Variants in GNG4 observed in about 807,000 individuals in gnomAD.
The protein encoded by GNG4 is G protein subunit gamma 4, also known as guanine nucleotide-binding protein G(I)/G(S)/G(O) subunit gamma-4.
In GNG4, 4 loss-of-function variants were observed where a neutral mutation model predicts 5.8. The ratio of observed to expected loss-of-function variants is 0.69; its 90% confidence interval spans 0.34 to 1.57. The LOEUF (loss-of-function observed/expected upper bound fraction) is 1.57. GNG4 is among the 40% of genes most tolerant of loss of function. GNG4 has a pLI of 0.06. For missense variants in GNG4, 96 were observed against 95.1 expected, an observed-to-expected ratio of 1.01 and a Z score of -0.04; for synonymous variants, 29 against 32.9, an observed-to-expected ratio of 0.88 and a Z score of 0.41.
At chr1:235,604,348 G>A (rs936898290) in intron 1 of GNG4, among the ~76,000 whole-genome samples, 1 of 152,232 alleles carries the variant, frequency 6.6e-6, no homozygotes, top group Non-Finnish European at 1.5e-5. Context: ...GCGTGGCTGG[G>A]CCACGTCTCA....
At chr1:235,576,873 G>A (rs1687496177) in intron 3 of GNG4, among the ~76,000 whole-genome samples, 1 of 152,124 alleles carries the variant, frequency 6.6e-6, no homozygotes, top group Non-Finnish European at 1.5e-5. Flanking sequence ...GTCTATATTT[G>A]CACTTGTGCT....
intron 3 of GNG4, among the ~76,000 whole-genome samples, chr1:235,571,841 C>T (rs1687351431): frequency 1.3e-5 from 2 of 152,038 alleles, no homozygotes; most frequent in South Asian, 4.1e-4. Context: ...AATTAATTAA[C>T]TAATTAATTA....
At chr1:235,599,808 C>G (rs1398799253) in intron 1 of GNG4, among the ~76,000 whole-genome samples, 1 of 152,120 alleles carries the variant, frequency 6.6e-6, no homozygotes, top group African/African-American at 2.4e-5. Flanking sequence ...ATTCACAGCC[C>G]CATCAGCTTT....
At chr1:235,634,953 C>CA (rs11411720) in intron 1 of GNG4, among the ~76,000 whole-genome samples, 23,781 of 146,290 alleles carry the variant, frequency 0.16, 5,066 homozygotes, top group African/African-American at 0.49. Context: ...AAAAACAAAA[C>CA]AAAAAAAAGA....
At chr1:235,580,755 T>TTG (rs1687613486) in intron 3 of GNG4, among the ~76,000 whole-genome samples, 1 of 147,820 alleles carries the variant, frequency 6.8e-6, no homozygotes, top group East Asian at 2.0e-4. Flanking sequence ...TGTTTTTTTT[T>TTG]TTTTTTTTTT....
chr1:235,607,263 A>G (rs1254870953), intron 1 of GNG4, among the ~76,000 whole-genome samples: 1 of 152,074 alleles, frequency 6.6e-6, no homozygotes, highest in African/African-American at 2.4e-5. Flanking sequence ...GTTTCTTTCT[A>G]TGTTCTTCAA....
rs937797659 is a variant in GNG4 at position 235,620,607 on chromosome 1, C to T, written c.-122-25096G>A. Among the ~76,000 whole-genome samples the T allele has an allele frequency of 5.5e-4, 83 of 152,188 alleles. 1 individual carries two copies. The highest frequency in any genetic ancestry group is 3.8e-4 in the Non-Finnish European group (26 of 68,010). ...CTGGAGTGCAGTGGCGTGATCTCGG[C>T]TCACTGCAAGCTCCGCCTCCCGCGT... On this transcript the variant is annotated intron_variant, in intron 1 of 3. Coordinates refer to ENST00000391854, the MANE Select transcript of GNG4 (RefSeq NM_001098722.2).
intron 1 of GNG4, among the ~76,000 whole-genome samples, chr1:235,607,469 T>G (rs757171937): frequency 6.6e-6 from 1 of 152,138 alleles, no homozygotes; most frequent in African/African-American, 2.4e-5. Context: ...CGCCACTGGG[T>G]GCACCGTGGG....
At chr1:235,603,261 T>TTAATAA (rs150938328) in intron 1 of GNG4, among the ~76,000 whole-genome samples, 2,580 of 147,610 alleles carry the variant, frequency 0.017, 78 homozygotes, top group African/African-American at 0.06. Flanking sequence ...ATAATAATAA[T>TTAATAA]TAATAATAAT....
chr1:235,573,399 A>C, intron 3 of GNG4, among the ~76,000 whole-genome samples: 1 of 151,890 alleles, frequency 6.6e-6, no homozygotes, highest in Non-Finnish European at 1.5e-5. Flanking sequence ...GGTGCAGCAC[A>C]CCAAATATGG....
chr1:235,593,805 G>A (rs1487071657), intron 2 of GNG4, among the ~76,000 whole-genome samples: 1 of 152,146 alleles, frequency 6.6e-6, no homozygotes, highest in Non-Finnish European at 1.5e-5. Flanking sequence ...CTTCAGGAGT[G>A]AAGCCGCAGA....
At chr1:235,612,460 G>A (rs950647341) in intron 1 of GNG4, among the ~76,000 whole-genome samples, 1 of 152,156 alleles carries the variant, frequency 6.6e-6, no homozygotes, top group African/African-American at 2.4e-5. Flanking sequence ...GCAGTATCTC[G>A]GGGACGTGAC....
At chr1:235,619,036 AC>A (rs993747594) in intron 1 of GNG4, among the ~76,000 whole-genome samples, 18 of 147,416 alleles carry the variant, frequency 1.2e-4, no homozygotes, top group Admixed American at 6.9e-5. Context: ...TGGTGAGTTC[AC>A]GCCTGTAATC....
chr1:235,554,942 A>ACC (rs1260450075), intron 3 of GNG4, among the ~76,000 whole-genome samples: 4 of 151,266 alleles, frequency 2.6e-5, no homozygotes, highest in Admixed American at 1.3e-4. Context: ...TTTTTTTTGG[A>ACC]CATGCTCCAG....
chr1:235,637,584 G>A (rs1657159352), intron 1 of GNG4, among the ~76,000 whole-genome samples: 1 of 151,198 alleles, frequency 6.6e-6, no homozygotes, highest in Non-Finnish European at 1.5e-5. Context: ...AACCTGGGAA[G>A]TGGAGGTTGC....
chr1:235,620,826 C>T (rs1275373796), intron 1 of GNG4, among the ~76,000 whole-genome samples: 6 of 152,190 alleles, frequency 3.9e-5, no homozygotes, highest in Admixed American at 1.3e-4. Flanking sequence ...TGAGCCACTG[C>T]GCCCGGCCAA....
At chr1:235,593,455 A>C (rs1688033020) in intron 2 of GNG4, among the ~76,000 whole-genome samples, 1 of 152,216 alleles carries the variant, frequency 6.6e-6, no homozygotes, top group South Asian at 2.1e-4. Context: ...GTCCATGAGC[A>C]CTTGACAAGT....
At chr1:235,635,431 G>A (rs1189295710) in intron 1 of GNG4, among the ~76,000 whole-genome samples, 1 of 152,030 alleles carries the variant, frequency 6.6e-6, no homozygotes, top group African/African-American at 2.4e-5. Flanking sequence ...AGGAAGTGGA[G>A]GTTGCAGTGA....
At chr1:235,620,384 A>G (rs1464571558) in intron 1 of GNG4, among the ~76,000 whole-genome samples, 3 of 152,084 alleles carry the variant, frequency 2.0e-5, no homozygotes, top group African/African-American at 7.2e-5. Flanking sequence ...AAACAAAACA[A>G]CACAAAACTC....
Sources: allele counts gnomAD v4.1 joint callset (sites outside exome capture counted in the v4.1 genomes callset), GRCh38; gene constraint gnomAD v4.1.1; transcripts MANE v1.5; gene names NCBI Gene and HGNC (gene_info 2026-07-23, HGNC 2026-07-21).